The following TTC6 variants were observed in gnomAD, a reference collection of about 807,000 sequenced individuals.
The protein encoded by TTC6 is tetratricopeptide repeat domain 6.
A neutral mutation model predicts 210.4 loss-of-function variants in TTC6; 172 were observed. The observed-to-expected ratio is 0.82, with a 90% CI of 0.72 to 0.93. TTC6 has a LOEUF of 0.93. TTC6 is among the 40% of genes least tolerant of loss of function. TTC6 has a pLI of 0.00. For missense variants in TTC6, 2,414 were observed against 2,318.1 expected, an observed-to-expected ratio of 1.04 and a Z score of -0.85; for synonymous variants, 804 against 819.6, an observed-to-expected ratio of 0.98 and a Z score of 0.32.
At chr14:37,755,750 C>A (rs2095965696) in intron 14 of TTC6, among the ~76,000 whole-genome samples, 1 of 152,166 alleles carries the variant, frequency 6.6e-6, no homozygotes, top group African/African-American at 2.4e-5. Flanking sequence ...GTTTTGGTTA[C>A]TGTAGCCTTG....
intron 1 of TTC6, among the ~76,000 whole-genome samples, chr14:37,630,907 G>GTTTTTTTTTTTGTTTTTTTTTTTTTTT (rs2095668331): frequency 3.0e-5 from 1 of 33,064 alleles, no homozygotes; most frequent in Non-Finnish European, 5.1e-5. Flanking sequence ...GGCAACCCCT[G>GTTTTTTTTTTTGTTTTTTTTTTTTTTT]TTTTTTTTTT....
At chr14:37,800,852 G>A (rs1258092868) in intron 20 of TTC6, among the ~76,000 whole-genome samples, 3 of 152,106 alleles carry the variant, frequency 2.0e-5, no homozygotes, top group Non-Finnish European at 2.9e-5. Flanking sequence ...AGTACAAAAC[G>A]AAAGAAGGCT....
chr14:37,735,918 C>CA lies in TTC6; in HGVS notation c.1819-2dup. 6.6e-7 allele frequency: 1 copy of CA among 1,511,344 alleles called. No individual in the cohort carries two copies. Among genetic ancestry groups the CA allele is most frequent in the East Asian group, 2.5e-5 (1 of 40,612 alleles). 93.6% of individuals were successfully genotyped at this position (1,511,344 alleles called of 1,614,324 possible). A position where few individuals can be genotyped will look rare whatever the true frequency, so the allele number is the denominator to read the frequency against. On this transcript the variant is annotated splice_polypyrimidine_tract_variant and splice_region_variant and intron_variant, in intron 7 of 30. Coordinates refer to ENST00000553443, the Ensembl canonical transcript of TTC6. ...ATTTAAAATTGTTATCTTTTTATCA[C>CA]AGAGTGTTCAAGCAAGCAGACTTTT... is the stretch of plus-strand genomic sequence containing the variant.
At chr14:37,627,396 T>C (rs1169649985) in intron 1 of TTC6, among the ~76,000 whole-genome samples, 1 of 152,182 alleles carries the variant, frequency 6.6e-6, no homozygotes, top group Non-Finnish European at 1.5e-5. Flanking sequence ...GGTGGTTTGC[T>C]GCGCCCATCA....
intron 5 of TTC6, among the ~76,000 whole-genome samples, chr14:37,703,707 A>G (rs1363999683): frequency 3.3e-5 from 5 of 152,138 alleles, no homozygotes; most frequent in Non-Finnish European, 7.4e-5. Flanking sequence ...GGAAGGGTAT[A>G]TACTTAAGTT....
chr14:37,823,705 A>G (rs772834737), intron 26 of TTC6, 42 bp from the exon 29 acceptor site: 3 of 1,535,454 alleles, frequency 2.0e-6, no homozygotes, highest in Non-Finnish European at 2.7e-6. Flanking sequence ...ACCAGAATGC[A>G]TCAGTTCACC....
At chr14:37,660,380 C>G (rs1246808813) in intron 1 of TTC6, among the ~76,000 whole-genome samples, 4 of 152,092 alleles carry the variant, frequency 2.6e-5, no homozygotes, top group Admixed American at 2.0e-4. Flanking sequence ...ATGCTCTCCC[C>G]CACACCTCAC....
At chr14:37,753,583 T>A (rs1256996824) in intron 14 of TTC6, among the ~76,000 whole-genome samples, 2 of 152,178 alleles carry the variant, frequency 1.3e-5, no homozygotes, top group African/African-American at 4.8e-5. Flanking sequence ...TTTACTTATT[T>A]ATAGAGATGG....
intron 1 of TTC6, among the ~76,000 whole-genome samples, chr14:37,646,243 A>G (rs2095701377): frequency 6.6e-6 from 1 of 152,128 alleles, no homozygotes; most frequent in African/African-American, 2.4e-5. Context: ...GACTTTTGAA[A>G]TGGAGAAAAT....
chr14:37,801,857 C>T (rs1319019995), intron 20 of TTC6, among the ~76,000 whole-genome samples: 1 of 151,782 alleles, frequency 6.6e-6, no homozygotes, highest in African/African-American at 2.4e-5. Flanking sequence ...GACCTAGAGG[C>T]AGAAATGCCA....
intron 14 of TTC6, among the ~76,000 whole-genome samples, chr14:37,765,212 G>C (rs1327937643): frequency 1.3e-5 from 2 of 151,792 alleles, no homozygotes; most frequent in Non-Finnish European, 1.5e-5. Flanking sequence ...CCCCAGGCTG[G>C]AATATAGTGG....
intron 7 of TTC6, among the ~76,000 whole-genome samples, chr14:37,725,796 T>C (rs2095871988): frequency 6.6e-6 from 1 of 152,196 alleles, no homozygotes; most frequent in African/African-American, 2.4e-5. Context: ...TTCAGTTGTT[T>C]AGAGATCTTC....
intron 29 of TTC6, among the ~76,000 whole-genome samples, chr14:37,830,666 G>A (rs2096182510): frequency 6.7e-6 from 1 of 150,212 alleles, no homozygotes; most frequent in Non-Finnish European, 1.5e-5. Context: ...TTTTTTCCTG[G>A]TCACCTCTTT....
At chr14:37,706,266 A>G (rs2095835346) in intron 5 of TTC6, among the ~76,000 whole-genome samples, 2 of 152,062 alleles carry the variant, frequency 1.3e-5, no homozygotes, top group South Asian at 4.1e-4. Context: ...GACACAGTTG[A>G]TCACTTACTT....
chr14:37,646,045 T>C (rs1243223457), intron 1 of TTC6, among the ~76,000 whole-genome samples: 1 of 152,134 alleles, frequency 6.6e-6, no homozygotes, highest in African/African-American at 2.4e-5. Flanking sequence ...TATCTACCCA[T>C]AGTGAATCTC....
At chr14:37,629,263 G>A (rs1029744294) in intron 1 of TTC6, among the ~76,000 whole-genome samples, 2 of 152,090 alleles carry the variant, frequency 1.3e-5, no homozygotes, top group African/African-American at 4.8e-5. Flanking sequence ...CCATTTGTTT[G>A]TGTCCTCTCT....
At chr14:37,601,333 G>C (rs558199119) in intron 1 of TTC6, among the ~76,000 whole-genome samples, 1 of 152,150 alleles carries the variant, frequency 6.6e-6, no homozygotes, top group East Asian at 1.9e-4. Context: ...GCTCCTTGAG[G>C]GCAGGCACTG....
intron 18 of TTC6, 73 bp from the exon 21 acceptor site, chr14:37,796,221 C>A: frequency 1.6e-6 from 1 of 615,922 alleles, no homozygotes; most frequent in Non-Finnish European, 2.7e-6. Context: ...TTGTAAGTAA[C>A]TGATTAGAAG....
At chr14:37,770,419 T>G (rs1251508293) in intron 14 of TTC6, among the ~76,000 whole-genome samples, 5 of 152,084 alleles carry the variant, frequency 3.3e-5, no homozygotes, top group African/African-American at 7.2e-5. Context: ...AGTCTCCCAT[T>G]ATTAATGTGT....
Sources: allele counts gnomAD v4.1 joint callset (sites outside exome capture counted in the v4.1 genomes callset), GRCh38; gene constraint gnomAD v4.1.1; transcripts MANE v1.5; gene names NCBI Gene and HGNC (gene_info 2026-07-23, HGNC 2026-07-21).